Variants in NF2 observed in about 807,000 individuals in gnomAD.
NF2 encodes the protein NF2, moesin-ezrin-radixin like (MERLIN) tumor suppressor.
Under a neutral mutation model 83.7 loss-of-function variants are expected in NF2, and 8 were observed. The ratio of observed to expected loss-of-function variants is 0.10; its 90% confidence interval spans 0.06 to 0.17. The LOEUF (loss-of-function observed/expected upper bound fraction) is 0.17. NF2 is among the 10% of genes least tolerant of loss of function. The pLI is 1.00. For missense variants in NF2, 533 were observed against 744.4 expected (o/e 0.72, Z 3.31); for synonymous variants, 266 against 269.6 (o/e 0.99, Z 0.13).
At chr22:29,608,915 A>G (rs1170820997) in intron 1 of NF2, 2 of 544,608 alleles carry the variant, frequency 3.7e-6, no homozygotes, top group Admixed American at 5.8e-5. Context: ...ATCGGGCTGC[A>G]AGATTGGCCT....
intron 1 of NF2, among the ~76,000 whole-genome samples, chr22:29,605,296 C>T (rs2064760004): frequency 6.6e-6 from 1 of 152,070 alleles, no homozygotes; most frequent in Admixed American, 6.6e-5. Flanking sequence ...TTCCAGGTAG[C>T]TGGGATTACA....
At chr22:29,656,407 C>CTTT (rs59440855) in intron 6 of NF2, among the ~76,000 whole-genome samples, 100 of 81,698 alleles carry the variant, frequency 1.2e-3, no homozygotes, top group Non-Finnish European at 1.4e-3. Context: ...GGGATATATT[C>CTTT]TTTTTTTTTT....
intron 4 of NF2, among the ~76,000 whole-genome samples, chr22:29,653,437 C>G (rs1302862976): frequency 8.5e-6 from 1 of 117,084 alleles, no homozygotes; most frequent in Non-Finnish European, 1.8e-5. Flanking sequence ...GAGCGAGACT[C>G]TGTCTCAAAA....
At chr22:29,648,587 T>A (rs1008137353) in intron 4 of NF2, among the ~76,000 whole-genome samples, 1 of 152,214 alleles carries the variant, frequency 6.6e-6, no homozygotes, top group Admixed American at 6.5e-5. Context: ...TGCACACACA[T>A]CCTTTTCACT....
intron 7 of NF2, among the ~76,000 whole-genome samples, chr22:29,659,406 C>T (rs1299648181): frequency 6.6e-6 from 1 of 152,180 alleles, no homozygotes; most frequent in Non-Finnish European, 1.5e-5. Context: ...CTGCTAGGCT[C>T]AAGTGATCCT....
intron 1 of NF2, among the ~76,000 whole-genome samples, chr22:29,630,628 C>T (rs2146818613): frequency 6.6e-6 from 1 of 152,320 alleles, no homozygotes; most frequent in South Asian, 2.1e-4. Context: ...CACATTTGTG[C>T]TCCTTTCTCT....
chr22:29,649,095 G>T (rs1332454039), intron 4 of NF2, among the ~76,000 whole-genome samples: 1 of 151,846 alleles, frequency 6.6e-6, no homozygotes, highest in East Asian at 1.9e-4. Context: ...TCAAGACATG[G>T]TATAACTGGG....
At chr22:29,603,576 G>A (rs1416120940), upstream of NF2, 1 of 390,638 alleles carries the variant, frequency 2.6e-6, no homozygotes, top group Non-Finnish European at 4.5e-6. Flanking sequence ...GCGGGCGCGC[G>A]GAGTGAGGAC....
intron 1 of NF2, among the ~76,000 whole-genome samples, chr22:29,612,004 GT>G (rs948636244): frequency 6.6e-6 from 1 of 152,072 alleles, no homozygotes; most frequent in Non-Finnish European, 1.5e-5. Context: ...TTTTGGTTTT[GT>G]TTTTTAAATT....
At chr22:29,649,808 C>G (rs1308175389) in intron 4 of NF2, among the ~76,000 whole-genome samples, 1 of 150,430 alleles carries the variant, frequency 6.6e-6, no homozygotes, top group Non-Finnish European at 1.5e-5. Context: ...ATGAGTAAGA[C>G]CTACTATTTG....
intron 14 of NF2, among the ~76,000 whole-genome samples, chr22:29,679,156 G>C (rs1816622045): frequency 6.6e-6 from 1 of 152,214 alleles, no homozygotes; most frequent in Non-Finnish European, 1.5e-5. Context: ...CAGATTTAGA[G>C]AGTTTAGTGA....
chr22:29,692,268 C>T (rs1009147), intron 15 of NF2, among the ~76,000 whole-genome samples: 21,468 of 152,208 alleles, frequency 0.14, 1,657 homozygotes, highest in African/African-American at 0.19. Context: ...TGCCTTCCTA[C>T]TTCTGTGTGG....
chr22:29,673,548 C>T, intron 12 of NF2, 62 bp downstream of exon 12: 4 of 1,526,726 alleles, frequency 2.6e-6, no homozygotes, highest in East Asian at 2.3e-5. Context: ...GACCAGCCTG[C>T]CCTGAGGCTG....
At chr22:29,653,497 AC>A (rs967432578) in intron 4 of NF2, among the ~76,000 whole-genome samples, 4 of 152,172 alleles carry the variant, frequency 2.6e-5, no homozygotes, top group Non-Finnish European at 4.4e-5. Context: ...TTCAAAAAAA[AC>A]AATGCAATAC....
intron 3 of NF2, among the ~76,000 whole-genome samples, chr22:29,639,655 C>T (rs1238309349): frequency 3.3e-5 from 5 of 151,896 alleles, no homozygotes; most frequent in Admixed American, 3.3e-4. Context: ...GAGGCCGAGG[C>T]GGGCAGATCA....
intron 1 of NF2, among the ~76,000 whole-genome samples, chr22:29,616,932 G>C (rs1430612850): frequency 1.3e-5 from 2 of 151,648 alleles, no homozygotes; most frequent in East Asian, 3.9e-4. Context: ...TAGTTTTTTG[G>C]GGGTTTTTTT....
At chr22:29,678,443 G>C (rs1201949889) in intron 14 of NF2, 120 bp downstream of exon 14, 2 of 1,194,692 alleles carry the variant, frequency 1.7e-6, no homozygotes, top group Non-Finnish European at 2.5e-6. Flanking sequence ...CTCCTGCAAA[G>C]GTTTGCTCTG....
intron 1 of NF2, among the ~76,000 whole-genome samples, chr22:29,623,332 T>C (rs1176586373): frequency 6.6e-6 from 1 of 152,164 alleles, no homozygotes. Flanking sequence ...TCAGATGCGA[T>C]GAAGAGCTTT....
chr22:29,633,659 T>C (rs1601573200), intron 1 of NF2, among the ~76,000 whole-genome samples: 2 of 152,342 alleles, frequency 1.3e-5, no homozygotes, highest in Middle Eastern at 3.4e-3. Flanking sequence ...TGGTCCCAAA[T>C]GGAGCCCCAT....
Sources: allele counts gnomAD v4.1 joint callset (sites outside exome capture counted in the v4.1 genomes callset), GRCh38; gene constraint gnomAD v4.1.1; transcripts MANE v1.5; gene names NCBI Gene and HGNC (gene_info 2026-07-23, HGNC 2026-07-21).